CCL8: variants seen among roughly 807,000 people sequenced by gnomAD.
The protein encoded by CCL8 is C-C motif chemokine 8.
A neutral mutation model predicts 6.6 loss-of-function variants in CCL8; 3 were observed. The observed-to-expected ratio is 0.45, with a 90% CI of 0.21 to 1.17. The LOEUF (loss-of-function observed/expected upper bound fraction) is 1.17. CCL8 is among the 50% of genes most tolerant of loss of function. The probability of loss-of-function intolerance (pLI) is 0.24; values close to 1 mark genes in which losing one functional copy is unlikely to be tolerated. For missense variants in CCL8, 127 were observed against 118.1 expected, an observed-to-expected ratio of 1.08 and a Z score of -0.35; for synonymous variants, 49 against 41.8, an observed-to-expected ratio of 1.17 and a Z score of -0.67.
rs1375599853 is a variant in CCL8, at chr17:34,320,656, C to A, written c.195-146C>A. Reference sequence around the variant, plus strand: ...GCAGAGCTTCCTTCTGGAGCTTCTTCCTCCCACTCTTCCCCTCCCTCCTCT... The same window carrying A: ...GCAGAGCTTCCTTCTGGAGCTTCTTACTCCCACTCTTCCCCTCCCTCCTCT... On this transcript the variant is annotated intron_variant, in intron 2 of 2. Coordinates refer to ENST00000394620, the MANE Select transcript of CCL8 (RefSeq NM_005623.3). 23 of 616,338 alleles carry A rather than the reference C, an allele frequency of 3.7e-5. No individual in the cohort carries two copies. The East Asian group carries it at 6.5e-4, about 17-fold the overall frequency. The allele number at this position is 616,338 out of a possible 1,614,324, so 38.2% of individuals were successfully genotyped here. A position where few individuals can be genotyped will look rare whatever the true frequency, so the allele number is the denominator to read the frequency against.
intron 1 of CCL8, 36 bp from the exon 2 acceptor site, chr17:34,320,233 T>C: frequency 8.0e-7 from 1 of 1,244,630 alleles, no homozygotes; most frequent in Non-Finnish European, 1.2e-6. Context: ...TTACGGTGGG[T>C]CCTAAATGTC....
intron 1 of CCL8, 52 bp from the exon 2 acceptor site, chr17:34,320,217 G>A: frequency 9.3e-7 from 1 of 1,073,364 alleles, no homozygotes; most frequent in Non-Finnish European, 1.5e-6. Context: ...CCTTACAAAT[G>A]CACACTTACG....
At position 34,319,501 on chromosome 17, in the gene CCL8, G is replaced by A. The variant is rs1215342503; in HGVS notation, c.-1G>A. Reference sequence around the variant, plus strand: ...TGAAGCTCACACCCTTGCCCTCCAAGATGAAGGTTTCTGCAGCGCTTCTGT... The same window carrying A: ...TGAAGCTCACACCCTTGCCCTCCAAAATGAAGGTTTCTGCAGCGCTTCTGT... On this transcript the variant is annotated 5_prime_UTR_variant, in exon 1 of 3. Transcript: ENST00000394620. 2 of 1,613,650 alleles carry A rather than the reference G, an allele frequency of 1.2e-6. No homozygotes were observed. The highest frequency in any genetic ancestry group is 1.7e-6 in the Non-Finnish European group (2 of 1,179,794).
Position 34,320,195 on chromosome 17 carries a change from TTC to T in CCL8, c.77-70_77-69del, listed in dbSNP as rs1909476449. The T allele has an allele frequency of 2.9e-5, 26 of 906,800 alleles. No homozygotes were observed. In the South Asian group the frequency reaches 3.2e-4, roughly 11 times the overall value. The allele number at this position is 906,800 out of a possible 1,614,324, so 56.2% of individuals were successfully genotyped here. A position where few individuals can be genotyped will look rare whatever the true frequency, so the allele number is the denominator to read the frequency against. On this transcript the variant is annotated intron_variant, in intron 1 of 2. Transcript: ENST00000394620. ...GGTGACTTCTTGGTCTTCTCCTTCC[TTC>T]TCTTCTTTTCCTTACAAATGCACAC...
At chr17:34,320,527 GAGA>G in intron 2 of CCL8, 141 bp downstream of exon 2, 1 of 655,666 alleles carries the variant, frequency 1.5e-6, no homozygotes, top group Non-Finnish European at 2.7e-6. Context: ...CTCAGTCCAT[GAGA>G]AGGAGTCCAT....
At position 34,320,816 on chromosome 17, in the gene CCL8, G is replaced by A. The variant is rs369844009; in HGVS notation, c.209G>A (p.Arg70Gln). Residue 70 changes from arginine to glutamine, a missense_variant, in exon 3 of 3, where the codon CGG (arginine) becomes CAG (glutamine). Transcript: ENST00000394620. ...CTCCCCCACAGCTTCAAGACCAAAC[G>A]GGGCAAGGAGGTCTGTGCTGACCCC... ...PKEAVIFKTK[R>Q]GKEVCADPKE... is the part of the protein sequence containing the mutation. 30 of 1,603,876 alleles carry A rather than the reference G, an allele frequency of 1.9e-5. No homozygotes were observed. The highest frequency in any genetic ancestry group is 6.7e-5 in the African/African-American group (5 of 74,242).
chr17:34,320,189 C>T, intron 1 of CCL8, 80 bp from the exon 2 acceptor site: 2 of 867,222 alleles, frequency 2.3e-6, no homozygotes, highest in Non-Finnish European at 3.9e-6. Flanking sequence ...TTGGTCTTCT[C>T]CTTCCTTCTC....
chr17:34,320,768 T>C, intron 2 of CCL8, 34 bp from the exon 3 acceptor site: 1 of 1,334,354 alleles, frequency 7.5e-7, no homozygotes, highest in Non-Finnish European at 1.1e-6. Flanking sequence ...ATCTTCAAAG[T>C]CTTCCATCTA....
intron 1 of CCL8, among the ~76,000 whole-genome samples, chr17:34,319,807 G>A (rs1399973760): frequency 6.6e-6 from 1 of 152,198 alleles, no homozygotes; most frequent in Non-Finnish European, 1.5e-5. Flanking sequence ...CACTGTGGGT[G>A]TAAAGGACAT....
At position 34,319,642 on chromosome 17, in the gene CCL8, C is replaced by T. The variant is rs1909462113; in HGVS notation, c.76+65C>T. 7.2e-6 allele frequency: 9 copies of T among 1,246,686 alleles called. No homozygotes were observed. In the South Asian group the frequency reaches 1.1e-4, roughly 15 times the overall value. 77.2% of individuals were successfully genotyped at this position (1,246,686 alleles called of 1,614,324 possible). Reference sequence around the variant, plus strand: ...ATTAAGAAGAGCCATTATGTCACAGCTCATTAGGAACAAAACCAGAACTAA... The same window carrying T: ...ATTAAGAAGAGCCATTATGTCACAGTTCATTAGGAACAAAACCAGAACTAA... On this transcript the variant is annotated intron_variant, in intron 1 of 2. Transcript: ENST00000394620.
chr17:34,320,570 T>C (rs1279010646), intron 2 of CCL8, among the ~76,000 whole-genome samples, 184 bp downstream of exon 2: 1 of 152,196 alleles, frequency 6.6e-6, no homozygotes, highest in African/African-American at 2.4e-5. Context: ...TCTAGGGGCT[T>C]GGTGAAACTA....
At chr17:34,319,929 A>T (rs1255451592) in intron 1 of CCL8, among the ~76,000 whole-genome samples, 2 of 152,194 alleles carry the variant, frequency 1.3e-5, no homozygotes, top group Admixed American at 1.3e-4. Flanking sequence ...GACCCAGAGG[A>T]ATCTCAGCGT....
Position 34,320,931 on chromosome 17 carries a change from C to T in CCL8, c.*24C>T, listed in dbSNP as rs1363176507. The T allele has an allele frequency of 6.7e-7, 1 of 1,481,552 alleles. No homozygotes were observed. Among genetic ancestry groups the T allele is most frequent in the Non-Finnish European group, 9.3e-7 (1 of 1,074,016 alleles). 91.8% of individuals were successfully genotyped at this position (1,481,552 alleles called of 1,614,324 possible). On this transcript the variant is annotated 3_prime_UTR_variant, in exon 3 of 3. Coordinates refer to ENST00000394620, the MANE Select transcript of CCL8 (RefSeq NM_005623.3). The stretch of plus-strand genomic sequence containing the variant: ...GAGCCTTCATACATGGACTGAGAGT[C>T]AGAGCTTGAAGAAAAGCTTATTTAT...
At chr17:34,320,709 C>G in intron 2 of CCL8, 93 bp from the exon 3 acceptor site, 15 of 792,564 alleles carry the variant, frequency 1.9e-5, no homozygotes, top group Non-Finnish European at 6.1e-6. Context: ...CACCTAAGGA[C>G]CAAGGGCTGA....
At chr17:34,319,798 A>C (rs1041949329) in intron 1 of CCL8, among the ~76,000 whole-genome samples, 5 of 152,112 alleles carry the variant, frequency 3.3e-5, no homozygotes, top group Non-Finnish European at 7.4e-5. Flanking sequence ...ACTGTTTCTC[A>C]CTGTGGGTGT....
chr17:34,319,591 C>T lies in CCL8; in HGVS notation c.76+14C>T, dbSNP rs767832524. ...TTGCTCAGCCAGGTAAGACCTCTCCCTTTTTAAGGGGAGACCAAAAGAGGA... is the reference window on the plus strand; with the variant it reads ...TTGCTCAGCCAGGTAAGACCTCTCCTTTTTTAAGGGGAGACCAAAAGAGGA... On this transcript the variant is annotated intron_variant, in intron 1 of 2. Transcript: ENST00000394620. The T allele has an allele frequency of 6.3e-7, 1 of 1,598,972 alleles. No homozygotes were observed. Among genetic ancestry groups the T allele is most frequent in the South Asian group, 1.1e-5 (1 of 90,684 alleles).
chr17:34,319,827 T>C (rs1404302910), intron 1 of CCL8, among the ~76,000 whole-genome samples: 2 of 152,074 alleles, frequency 1.3e-5, no homozygotes, highest in Non-Finnish European at 2.9e-5. Context: ...TTTCAGGCCG[T>C]AGTGGAGAGG....
chr17:34,320,396 C>G lies in CCL8; in HGVS notation c.194+10C>G, dbSNP rs1436813630. On this transcript the variant is annotated intron_variant, in intron 2 of 2. Transcript: ENST00000394620. ...CCAAGGAAGCTGTGATGTGAGTGGA[C>G]AGTGCCTGGCACCCCCATTCAAAAG... 1 of 1,511,360 alleles carries G rather than the reference C, an allele frequency of 6.6e-7. No homozygotes were observed. Among genetic ancestry groups the G allele is most frequent in the Non-Finnish European group, 9.2e-7 (1 of 1,086,436 alleles). The allele number at this position is 1,511,360 out of a possible 1,614,324, so 93.6% of individuals were successfully genotyped here.
At chr17:34,320,680 C>T (rs535410804) in intron 2 of CCL8, 122 bp from the exon 3 acceptor site, 1 of 640,512 alleles carries the variant, frequency 1.6e-6, no homozygotes, top group Non-Finnish European at 2.7e-6. Context: ...CCTCCCTCCT[C>T]TCCCGGGTCC....
Sources: gnomAD v4.1 joint callset for allele counts (sites outside exome capture counted in the v4.1 genomes callset) on GRCh38, gnomAD v4.1.1 for gene constraint, MANE v1.5 for transcripts, NCBI Gene and HGNC (gene_info 2026-07-23, HGNC 2026-07-21) for gene names.